PCDHGA8: variants seen among roughly 807,000 people sequenced by gnomAD.
The protein encoded by PCDHGA8 is protocadherin gamma-A8.
A neutral mutation model predicts 59.2 loss-of-function variants in PCDHGA8; 45 were observed. That is an observed-to-expected ratio of 0.76 (90% CI 0.60 to 0.98). PCDHGA8 has a LOEUF of 0.98. Among genes scored for constraint, PCDHGA8 ranks in the 50% least tolerant of loss-of-function variants. The probability of loss-of-function intolerance (pLI) is 0.00; values close to 1 mark genes in which losing one functional copy is unlikely to be tolerated. For missense variants in PCDHGA8, 1,257 were observed against 1,196.2 expected, an observed-to-expected ratio of 1.05 and a Z score of -0.75; for synonymous variants, 531 against 519.0, an observed-to-expected ratio of 1.02 and a Z score of -0.32.
intron 1 of PCDHGA8, among the ~76,000 whole-genome samples, chr5:141,429,377 G>GTT (rs566693637): frequency 2.2e-4 from 33 of 149,524 alleles, no homozygotes; most frequent in South Asian, 1.5e-3. Context: ...GAGAAAATGT[G>GTT]TTTTTTTTTT....
Position 141,490,772 on chromosome 5 carries a change from C to T in PCDHGA8, c.2425-4035C>T. ...GCCTCCTCCTTTGTGTATGTCAACC[C>T]AGAGGATGGACGGATCTTTGCCCAG... On this transcript the variant is annotated intron_variant, in intron 1 of 3. Coordinates refer to ENST00000398604, the MANE Select transcript of PCDHGA8 (RefSeq NM_032088.2). This position sits in a 1 kb window ranked among gnomAD's most constrained non-coding sequence, Gnocchi z 5.4. 6.2e-7 allele frequency: 1 copy of T among 1,614,164 alleles called. No homozygotes were observed. The highest frequency in any genetic ancestry group is 1.1e-5 in the South Asian group (1 of 91,082).
Position 141,399,669 on chromosome 5 carries a change from C to T in PCDHGA8, c.2424+4432C>T, listed in dbSNP as rs2093861369. 1.9e-6 allele frequency: 3 copies of T among 1,613,524 alleles called. No individual in the cohort carries two copies. The African/African-American group carries it at 4.0e-5, about 22-fold the overall frequency. On this transcript the variant is annotated intron_variant, in intron 1 of 3. Coordinates refer to ENST00000398604, the MANE Select transcript of PCDHGA8 (RefSeq NM_032088.2). ...AAAGTGGGGTGGTGTTCGCGCAGCG[C>T]GCCTTTGACTACGAGCAGCTGCGCA...
Position 141,486,253 on chromosome 5 carries a change from C to A in PCDHGA8, c.2425-8554C>A. The A allele has an allele frequency of 6.2e-7, 1 of 1,614,138 alleles. No individual in the cohort carries two copies. Among genetic ancestry groups the A allele is most frequent in the Non-Finnish European group, 8.5e-7 (1 of 1,180,006 alleles). On this transcript the variant is annotated intron_variant, in intron 1 of 3. Transcript: ENST00000398604. This position sits in a 1 kb window ranked among gnomAD's most constrained non-coding sequence, Gnocchi z 5.0. ...TGACCTCAGAGCTTGGAACCCTCCC[C>A]GAGAGTGCAGAACCTGGCACTGTGG...
intron 1 of PCDHGA8, among the ~76,000 whole-genome samples, chr5:141,457,632 G>A (rs919693977): frequency 6.6e-6 from 1 of 152,142 alleles, no homozygotes; most frequent in African/African-American, 2.4e-5. Flanking sequence ...CTTATACTTG[G>A]CCTGATTATT....
intron 2 of PCDHGA8, among the ~76,000 whole-genome samples, chr5:141,500,948 A>G (rs1055841985): frequency 1.8e-4 from 28 of 151,592 alleles, no homozygotes; most frequent in Non-Finnish European, 4.4e-5. Context: ...GGCTCACTGC[A>G]AGCTCCACCT....
At position 141,487,855 on chromosome 5, in the gene PCDHGA8, A is replaced by G. The variant is rs1033833406; in HGVS notation, c.2425-6952A>G. The G allele has an allele frequency of 2.1e-6, 2 of 974,092 alleles. No homozygotes were observed. Among genetic ancestry groups the G allele is most frequent in the Non-Finnish European group, 3.0e-6 (2 of 668,870 alleles). The allele number at this position is 974,092 out of a possible 1,614,324, so 60.3% of individuals were successfully genotyped here. Reference sequence around the variant, plus strand: ...TATATCTGAGTAAGAAATGAAAGTAATTGGTGATCAAGAGCCAGGCTGTTG... The same window carrying G: ...TATATCTGAGTAAGAAATGAAAGTAGTTGGTGATCAAGAGCCAGGCTGTTG... On this transcript the variant is annotated intron_variant, in intron 1 of 3. Transcript: ENST00000398604. The surrounding 1 kb of genome is among the most constrained non-coding windows in gnomAD (Gnocchi z 5.0).
rs776677714 is a variant in PCDHGA8 at position 141,419,329 on chromosome 5, T to C, written c.2424+24092T>C. The C allele has an allele frequency of 7.4e-6, 12 of 1,613,842 alleles. 2 individuals carry two copies. The South Asian group carries it at 1.3e-4, about 18-fold the overall frequency. On this transcript the variant is annotated intron_variant, in intron 1 of 3. Coordinates refer to ENST00000398604, the MANE Select transcript of PCDHGA8 (RefSeq NM_032088.2). The stretch of plus-strand genomic sequence containing the variant: ...GGCTCAACGGCCGTGTCTCCTACTC[T>C]CTCATTGCCAGCGACCTGGAGTCAC...
chr5:141,394,857 G>A lies in PCDHGA8; in HGVS notation c.2044G>A (p.Val682Ile). 1 of 1,613,832 alleles carries A rather than the reference G, an allele frequency of 6.2e-7. No homozygotes were observed. Among genetic ancestry groups the A allele is most frequent in the Non-Finnish European group, 8.5e-7 (1 of 1,179,916 alleles). Residue 682 changes from valine (V) to isoleucine (I), a missense_variant, in exon 1 of 4, where the codon GTC becomes ATC. Physicochemically the swap from Val to Ile is conservative, Grantham distance 29. Transcript: ENST00000398604. ...LTELGSLKPSVDPNDSSLTLY... is the reference protein window; with the variant it reads ...LTELGSLKPSIDPNDSSLTLY... ...CGAGTTGGGCAGTCTGAAGCCTTCG[G>A]TCGACCCGAACGATTCGAGCCTTAC...
At chr5:141,459,737 A>T (rs2098974670) in intron 1 of PCDHGA8, among the ~76,000 whole-genome samples, 1 of 152,176 alleles carries the variant, frequency 6.6e-6, no homozygotes, top group African/African-American at 2.4e-5. Flanking sequence ...CAATTTTTTA[A>T]ATTTTAGCAA....
chr5:141,477,253 G>A lies in PCDHGA8; in HGVS notation c.2425-17554G>A, dbSNP rs1303718568. The A allele has an allele frequency of 1.9e-6, 3 of 1,614,154 alleles. No individual in the cohort carries two copies. The highest frequency in any genetic ancestry group is 2.2e-5 in the South Asian group (2 of 91,070). Reference sequence around the variant, plus strand: ...TCGCTTTGCTCAGTGTGACTGACCTGGATGCTGGCGAGAACGGGCTGGTGA... The same window carrying A: ...TCGCTTTGCTCAGTGTGACTGACCTAGATGCTGGCGAGAACGGGCTGGTGA... On this transcript the variant is annotated intron_variant, in intron 1 of 3. Transcript: ENST00000398604. This position sits in a 1 kb window ranked among gnomAD's most constrained non-coding sequence, Gnocchi z 4.9.
At chr5:141,441,742 T>C in intron 1 of PCDHGA8, 1 of 367,312 alleles carries the variant, frequency 2.7e-6, no homozygotes, top group Non-Finnish European at 5.4e-6. Context: ...TAGCTCGCGC[T>C]CGGCGTCAAC....
At position 141,413,426 on chromosome 5, in the gene PCDHGA8, G is replaced by T. The variant is rs138985917; in HGVS notation, c.2424+18189G>T. On this transcript the variant is annotated intron_variant, in intron 1 of 3. Transcript: ENST00000398604. Reference sequence around the variant, plus strand: ...ACGCAGCTTTTCTCTCTGAACCCGCGCAGCGGCAGCTTGATCACCGCGGGC... The same window carrying T: ...ACGCAGCTTTTCTCTCTGAACCCGCTCAGCGGCAGCTTGATCACCGCGGGC... 776 of 1,614,090 alleles carry T rather than the reference G, an allele frequency of 4.8e-4. 5 individuals carry two copies. The African/African-American group carries it at 9.2e-3, about 19-fold the overall frequency.
intron 1 of PCDHGA8, chr5:141,414,511 G>A: frequency 1.2e-6 from 2 of 1,613,972 alleles, no homozygotes; most frequent in African/African-American, 1.3e-5. Context: ...TATGCTACAA[G>A]TGGCAGATAT....
At chr5:141,424,668 A>G (rs1561816018) in intron 1 of PCDHGA8, 1 of 152,196 alleles carries the variant, frequency 6.6e-6, no homozygotes, top group Non-Finnish European at 1.5e-5. Flanking sequence ...AATTAAACTG[A>G]TTTAGCTAGT....
chr5:141,394,083 G>T lies in PCDHGA8; in HGVS notation c.1270G>T (p.Ala424Ser). 6.2e-7 allele frequency: 1 copy of T among 1,613,826 alleles called. No individual in the cohort carries two copies. Among genetic ancestry groups the T allele is most frequent in the Non-Finnish European group, 8.5e-7 (1 of 1,179,824 alleles). The change falls in exon 1 of 4, where the codon GCC becomes TCC. Residue 424 changes from alanine to serine, a missense_variant. Physicochemically the swap from Ala to Ser is moderately conservative, Grantham distance 99. Coordinates refer to ENST00000398604, the MANE Select transcript of PCDHGA8 (RefSeq NM_032088.2). The part of the protein sequence containing the change: ...NVSIYNITVM[A>S]SDLGTPPLST... ...CTCTATCTACAATATCACAGTGATG[G>T]CCTCAGATCTAGGAACACCACCTCT...
chr5:141,415,935 C>A, intron 1 of PCDHGA8: 1 of 601,886 alleles, frequency 1.7e-6, no homozygotes, highest in Non-Finnish European at 2.4e-6. Context: ...TTTATATTTC[C>A]TCCTGGGTGG....
At chr5:141,402,580 T>C (rs1217508250) in intron 1 of PCDHGA8, among the ~76,000 whole-genome samples, 3 of 152,226 alleles carry the variant, frequency 2.0e-5, no homozygotes, top group South Asian at 4.1e-4. Context: ...CTCAGATATC[T>C]AAAAAATAGA....
Position 141,418,795 on chromosome 5 carries a change from A to G in PCDHGA8, c.2424+23558A>G, listed in dbSNP as rs373690093. The G allele has an allele frequency of 6.8e-6, 11 of 1,613,740 alleles. No homozygotes were observed. The African/African-American group carries it at 1.5e-4, about 22-fold the overall frequency. On this transcript the variant is annotated intron_variant, in intron 1 of 3. Transcript: ENST00000398604. Reference sequence around the variant, plus strand: ...AGCAGCCTTTGGATTTTGAAGAAGTAGAAAGATATACGATAAACATAGAAG... The same window carrying G: ...AGCAGCCTTTGGATTTTGAAGAAGTGGAAAGATATACGATAAACATAGAAG...
At chr5:141,506,231 A>G (rs1453468632) in intron 3 of PCDHGA8, among the ~76,000 whole-genome samples, 4 of 152,082 alleles carry the variant, frequency 2.6e-5, no homozygotes, top group African/African-American at 4.8e-5. Context: ...CAGGAGGATC[A>G]TGAGGTCAGG....
Sources: gnomAD v4.1 joint callset for allele counts (sites outside exome capture counted in the v4.1 genomes callset) on GRCh38, gnomAD v4.1.1 for gene constraint, Gnocchi (gnomAD v3.1) non-coding constraint, MANE v1.5 for transcripts, NCBI Gene and HGNC (gene_info 2026-07-23, HGNC 2026-07-21) for gene names.